The following COL26A1 variants were observed in gnomAD, a reference collection of about 807,000 sequenced individuals.
COL26A1 encodes collagen type XXVI alpha 1 chain, also known as collagen alpha-1(XXVI) chain.
In COL26A1, 41 loss-of-function variants were observed where a neutral mutation model predicts 59.3. The ratio of observed to expected loss-of-function variants is 0.69; its 90% CI spans 0.54 to 0.90. The LOEUF (loss-of-function observed/expected upper bound fraction) is 0.90, where lower values mean the gene tolerates loss of function less well. Ranked by LOEUF, COL26A1 falls within the 40% of genes least tolerant of loss-of-function variation. COL26A1 has a pLI of 0.00. For synonymous variants in COL26A1, 266 were observed against 256.0 expected (o/e 1.04, Z -0.37); for missense variants, 612 against 602.3 (o/e 1.02, Z -0.17).
At position 101,407,560 on chromosome 7, in the gene COL26A1, G is replaced by T. The variant is rs151261389; in HGVS notation, c.159-12417G>T. On this transcript the variant is annotated intron_variant, in intron 1 of 12. Coordinates refer to ENST00000313669, the MANE Select transcript of COL26A1 (RefSeq NM_001278563.3). Reference sequence around the variant, plus strand: ...TAGATATCTCCTCCCGGGGCTCTGGGTGGCAGTTTCTCTGCATTTCTATTG... The same window carrying T: ...TAGATATCTCCTCCCGGGGCTCTGGTTGGCAGTTTCTCTGCATTTCTATTG... Among the ~76,000 whole-genome samples, 768 of 151,788 alleles carry T rather than the reference G, an allele frequency of 5.1e-3. 7 individuals are homozygous for T. The highest frequency in any genetic ancestry group is 0.017 in the African/African-American group (716 of 41,348).
chr7:101,455,503 C>CT (rs10690062), intron 3 of COL26A1, among the ~76,000 whole-genome samples: 8,939 of 116,470 alleles, frequency 0.077, 611 homozygotes, highest in Middle Eastern at 0.11. Context: ...CTTTTCTTTT[C>CT]TTTTTTTTTT....
intron 11 of COL26A1, 27 bp downstream of exon 11, chr7:101,553,403 C>G: frequency 6.2e-7 from 1 of 1,609,866 alleles, no homozygotes; most frequent in Non-Finnish European, 8.5e-7. Context: ...TTCACGTTCC[C>G]TCCCGCCTCC....
intron 1 of COL26A1, among the ~76,000 whole-genome samples, chr7:101,367,672 A>T (rs905281468): frequency 1.9e-5 from 1 of 52,232 alleles, no homozygotes; most frequent in South Asian, 5.2e-4. Context: ...CTCAAAAAAG[A>T]AAAAAAAAAA....
chr7:101,485,740 T>C (rs1242730797), intron 3 of COL26A1, among the ~76,000 whole-genome samples: 1 of 152,090 alleles, frequency 6.6e-6, no homozygotes, highest in East Asian at 1.9e-4. Context: ...CTGTATGTGC[T>C]GGGGCTACAG....
At chr7:101,505,708 G>A (rs538480400) in intron 3 of COL26A1, among the ~76,000 whole-genome samples, 59 of 152,270 alleles carry the variant, frequency 3.9e-4, no homozygotes, top group African/African-American at 1.3e-3. Flanking sequence ...TGATTAGATG[G>A]TGCCCACCCA....
At chr7:101,411,227 G>T (rs1246921014) in intron 1 of COL26A1, among the ~76,000 whole-genome samples, 1 of 152,178 alleles carries the variant, frequency 6.6e-6, no homozygotes, top group Non-Finnish European at 1.5e-5. Flanking sequence ...ACTTTACCAG[G>T]CCTGCCCTGT....
At chr7:101,420,271 ATG>A (rs1792481330) in intron 2 of COL26A1, among the ~76,000 whole-genome samples, 172 bp downstream of exon 2, 1 of 152,164 alleles carries the variant, frequency 6.6e-6, no homozygotes, top group Non-Finnish European at 1.5e-5. Flanking sequence ...TAGGGTATAT[ATG>A]TGTGTGTGCA....
intron 1 of COL26A1, among the ~76,000 whole-genome samples, chr7:101,369,043 A>G (rs1791119982): frequency 6.6e-6 from 1 of 152,042 alleles, no homozygotes; most frequent in African/African-American, 2.4e-5. Flanking sequence ...ACACAGAGGT[A>G]ATATGCTAGT....
chr7:101,554,841 CCTT>C (rs1253486245), intron 11 of COL26A1, among the ~76,000 whole-genome samples: 2 of 152,180 alleles, frequency 1.3e-5, no homozygotes, highest in Non-Finnish European at 2.9e-5. Context: ...CTCCCCTGCT[CCTT>C]CTCTGAGTTG....
chr7:101,382,039 A>G (rs1051547883), intron 1 of COL26A1, among the ~76,000 whole-genome samples: 2 of 152,016 alleles, frequency 1.3e-5, no homozygotes, highest in African/African-American at 4.8e-5. Context: ...GTTTTTTAAA[A>G]TTTTTATTTA....
intron 3 of COL26A1, among the ~76,000 whole-genome samples, chr7:101,513,319 T>C (rs1264396880): frequency 6.6e-6 from 1 of 151,656 alleles, no homozygotes; most frequent in Non-Finnish European, 1.5e-5. Flanking sequence ...CTATTTATTT[T>C]ATTTATTTTT....
chr7:101,435,400 C>A (rs1792890953), intron 2 of COL26A1, among the ~76,000 whole-genome samples: 1 of 152,168 alleles, frequency 6.6e-6, no homozygotes, highest in Admixed American at 6.5e-5. Flanking sequence ...CTGGGCCAAC[C>A]CCCTCCCTGC....
intron 1 of COL26A1, among the ~76,000 whole-genome samples, chr7:101,418,509 C>G (rs1048243834): frequency 6.6e-6 from 1 of 151,980 alleles, no homozygotes; most frequent in Non-Finnish European, 1.5e-5. Context: ...CGCTCTGTCA[C>G]CCAGGCTAGA....
chr7:101,477,212 A>T (rs1794068319), intron 3 of COL26A1, among the ~76,000 whole-genome samples: 2 of 152,040 alleles, frequency 1.3e-5, no homozygotes, highest in African/African-American at 2.4e-5. Flanking sequence ...GGTAGACTGG[A>T]ATCTCCTCTT....
At position 101,507,139 on chromosome 7, in the gene COL26A1, G is replaced by T. The variant is rs903049136; in HGVS notation, c.386-25943G>T. Among the ~76,000 whole-genome samples the T allele has an allele frequency of 9.2e-5, 14 of 151,914 alleles. 1 individual carries two copies. Among genetic ancestry groups the T allele is most frequent in the Admixed American group, 7.9e-4 (12 of 15,244 alleles). ...CACGTTGGCCAGGCTGGTCTCAAAC[G>T]CCTGGCCTCAAGTGATCCGCCTGCC... On this transcript the variant is annotated intron_variant, in intron 3 of 12. Transcript: ENST00000313669.
At chr7:101,500,778 G>A (rs1421462444) in intron 3 of COL26A1, among the ~76,000 whole-genome samples, 1 of 152,006 alleles carries the variant, frequency 6.6e-6, no homozygotes, top group African/African-American at 2.4e-5. Flanking sequence ...CCGAGATCGC[G>A]CCATTGCACC....
At chr7:101,372,884 A>G (rs1050829275) in intron 1 of COL26A1, among the ~76,000 whole-genome samples, 3 of 152,044 alleles carry the variant, frequency 2.0e-5, no homozygotes, top group African/African-American at 7.2e-5. Flanking sequence ...AGTCTCAGCT[A>G]CTCAGGAGAC....
intron 1 of COL26A1, among the ~76,000 whole-genome samples, chr7:101,391,070 G>C (rs1213970691): frequency 6.6e-6 from 1 of 152,226 alleles, no homozygotes; most frequent in Non-Finnish European, 1.5e-5. Context: ...GGTAACAGGA[G>C]CCTCAGGGGA....
At chr7:101,416,783 A>G (rs1340400337) in intron 1 of COL26A1, among the ~76,000 whole-genome samples, 3 of 143,292 alleles carry the variant, frequency 2.1e-5, no homozygotes, top group African/African-American at 7.4e-5. Context: ...TCTGTCACCC[A>G]GTGTGGAGTG....
Sources: allele counts gnomAD v4.1 joint callset (sites outside exome capture counted in the v4.1 genomes callset), GRCh38; gene constraint gnomAD v4.1.1; transcripts MANE v1.5; gene names NCBI Gene and HGNC (gene_info 2026-07-23, HGNC 2026-07-21).